FNBP1L: variants seen among roughly 807,000 people sequenced by gnomAD.
The protein encoded by FNBP1L is formin binding protein 1 like.
A neutral mutation model predicts 91.2 loss-of-function variants in FNBP1L; 36 were observed. The ratio of observed to expected loss-of-function variants is 0.39; its 90% CI spans 0.30 to 0.52. The LOEUF (loss-of-function observed/expected upper bound fraction) is 0.52. Ranked by LOEUF, FNBP1L falls within the 20% of genes least tolerant of loss-of-function variation. FNBP1L has a pLI of 0.66. For missense variants in FNBP1L, 571 were observed against 732.1 expected (o/e 0.78, Z 2.54); for synonymous variants, 242 against 237.0 (o/e 1.02, Z -0.19).
intron 1 of FNBP1L, among the ~76,000 whole-genome samples, chr1:93,463,945 C>G (rs1346959189): frequency 1.3e-5 from 2 of 152,178 alleles, no homozygotes; most frequent in Non-Finnish European, 2.9e-5. Flanking sequence ...CTGTGAAGTT[C>G]TGTAGGTTTT....
chr1:93,479,184 C>A (rs2624438), intron 1 of FNBP1L, among the ~76,000 whole-genome samples: 146,982 of 152,258 alleles, frequency 0.97, 71,131 homozygotes, highest in Non-Finnish European at 1. Flanking sequence ...TACCTGATCC[C>A]CAAAACCAGC....
intron 2 of FNBP1L, among the ~76,000 whole-genome samples, chr1:93,520,246 A>G (rs1328551746): frequency 6.6e-6 from 1 of 152,218 alleles, no homozygotes; most frequent in Non-Finnish European, 1.5e-5. Flanking sequence ...AATTTGTAGA[A>G]TGAATAAATT....
At chr1:93,483,190 GAAAAAA>G (rs76428254) in intron 1 of FNBP1L, among the ~76,000 whole-genome samples, 2 of 80,832 alleles carry the variant, frequency 2.5e-5, no homozygotes, top group South Asian at 4.7e-4. Flanking sequence ...ACCCTGTCTC[GAAAAAA>G]AAAAAAAAAA....
intron 2 of FNBP1L, among the ~76,000 whole-genome samples, chr1:93,511,197 G>A (rs1463376013): frequency 6.6e-6 from 1 of 152,212 alleles, no homozygotes; most frequent in Non-Finnish European, 1.5e-5. Flanking sequence ...GTTAAGGGCA[G>A]CCAGAGAGAA....
intron 1 of FNBP1L, among the ~76,000 whole-genome samples, chr1:93,450,848 A>G (rs921981912): frequency 2.0e-5 from 3 of 152,296 alleles, no homozygotes; most frequent in East Asian, 1.9e-4. Flanking sequence ...TGCTATTTTA[A>G]TGCTTCTTAA....
intron 1 of FNBP1L, among the ~76,000 whole-genome samples, chr1:93,474,028 T>C (rs1011558439): frequency 1.3e-5 from 2 of 152,174 alleles, no homozygotes; most frequent in Non-Finnish European, 2.9e-5. Flanking sequence ...GTGGATCACC[T>C]GAGGTCAGGA....
intron 1 of FNBP1L, among the ~76,000 whole-genome samples, chr1:93,474,872 T>C (rs1053254660): frequency 1.3e-5 from 2 of 152,222 alleles, no homozygotes; most frequent in African/African-American, 4.8e-5. Flanking sequence ...TTCTCACACC[T>C]AGCTTCTTTT....
intron 1 of FNBP1L, among the ~76,000 whole-genome samples, chr1:93,496,556 A>G (rs1670266677): frequency 6.6e-6 from 1 of 152,096 alleles, no homozygotes; most frequent in African/African-American, 2.4e-5. Flanking sequence ...ATGTGCTAAC[A>G]TGCCTGGCTA....
chr1:93,521,447 T>C (rs1671324868), intron 2 of FNBP1L, among the ~76,000 whole-genome samples: 1 of 152,180 alleles, frequency 6.6e-6, no homozygotes, highest in Non-Finnish European at 1.5e-5. Context: ...TTGCCCTGAC[T>C]CAGTTTCACA....
intron 1 of FNBP1L, among the ~76,000 whole-genome samples, chr1:93,479,214 C>G (rs1406366541): frequency 6.6e-6 from 1 of 152,054 alleles, no homozygotes; most frequent in African/African-American, 2.4e-5. Flanking sequence ...TTAAGGACTT[C>G]AAAAGGGGAG....
intron 7 of FNBP1L, among the ~76,000 whole-genome samples, chr1:93,532,282 C>A (rs1450794867): frequency 1.3e-5 from 2 of 152,016 alleles, no homozygotes; most frequent in Admixed American, 6.6e-5. Context: ...TCCTGGCCAA[C>A]ATGGTGAAAC....
chr1:93,484,101 G>C (rs968305588), intron 1 of FNBP1L, among the ~76,000 whole-genome samples: 21 of 152,096 alleles, frequency 1.4e-4, no homozygotes, highest in African/African-American at 4.6e-4. Flanking sequence ...GCTAATTTTT[G>C]TATTTTTAGT....
chr1:93,463,035 A>G (rs1668926894), intron 1 of FNBP1L, among the ~76,000 whole-genome samples: 1 of 152,082 alleles, frequency 6.6e-6, no homozygotes, highest in Non-Finnish European at 1.5e-5. Context: ...TTTGCTTTGT[A>G]CTTTGAGTTA....
chr1:93,498,175 A>T (rs934987947), intron 1 of FNBP1L, among the ~76,000 whole-genome samples: 2 of 152,212 alleles, frequency 1.3e-5, no homozygotes, highest in Non-Finnish European at 2.9e-5. Context: ...GAAGTGTAAT[A>T]TAAAATTTGG....
chr1:93,509,927 G>A (rs1670762946), intron 2 of FNBP1L, among the ~76,000 whole-genome samples: 1 of 152,244 alleles, frequency 6.6e-6, no homozygotes, highest in Non-Finnish European at 1.5e-5. Flanking sequence ...GGCGCACCAG[G>A]AGATTATATC....
chr1:93,481,742 G>A lies in FNBP1L; in HGVS notation c.25-17726G>A, dbSNP rs115304275. ...CTCTGAATAAACTGTCCATTTCTAC[G>A]TAATTGTTGGTCATTCTTATCAATC... On this transcript the variant is annotated intron_variant, in intron 1 of 16. Transcript: ENST00000271234. Among the ~76,000 whole-genome samples, 1,338 of 152,208 alleles carry A rather than the reference G, an allele frequency of 8.8e-3. 19 individuals are homozygous for A. Among genetic ancestry groups the A allele is most frequent in the African/African-American group, 0.031 (1,274 of 41,512 alleles).
chr1:93,501,788 A>G (rs1304101223), intron 2 of FNBP1L, among the ~76,000 whole-genome samples: 1 of 152,222 alleles, frequency 6.6e-6, no homozygotes, highest in Non-Finnish European at 1.5e-5. Context: ...CTTCAAGAAA[A>G]TAATCAGATT....
intron 1 of FNBP1L, among the ~76,000 whole-genome samples, chr1:93,465,889 T>C (rs933767840): frequency 2.0e-5 from 3 of 152,218 alleles, no homozygotes; most frequent in African/African-American, 7.2e-5. Context: ...TTTTAATGAT[T>C]GCCGTTCCAA....
At chr1:93,512,987 G>T (rs1478741469) in intron 2 of FNBP1L, among the ~76,000 whole-genome samples, 1 of 151,992 alleles carries the variant, frequency 6.6e-6, no homozygotes, top group Non-Finnish European at 1.5e-5. Context: ...TCCAGGAGCT[G>T]GTTTTTTGAA....
Sources: allele counts gnomAD v4.1 joint callset (sites outside exome capture counted in the v4.1 genomes callset), GRCh38; gene constraint gnomAD v4.1.1; transcripts MANE v1.5; gene names NCBI Gene and HGNC (gene_info 2026-07-23, HGNC 2026-07-21).